The following SYT9 variants were observed in gnomAD, a reference collection of about 807,000 sequenced individuals.
SYT9 encodes the protein synaptotagmin 9, also known as synaptotagmin-9.
Under a neutral mutation model 48.4 loss-of-function variants are expected in SYT9, and 22 were observed. The ratio of observed to expected loss-of-function variants is 0.45; its 90% CI spans 0.32 to 0.65. SYT9 has a LOEUF of 0.65. SYT9 is among the 30% of genes least tolerant of loss of function. SYT9 has a pLI of 0.03. For synonymous variants in SYT9, 265 were observed against 245.0 expected (o/e 1.08, Z -0.76); for missense variants, 577 against 622.0 (o/e 0.93, Z 0.77).
intron 3 of SYT9, among the ~76,000 whole-genome samples, chr11:7,363,790 G>A (rs1482477935): frequency 6.6e-6 from 1 of 152,180 alleles, no homozygotes; most frequent in Non-Finnish European, 1.5e-5. Context: ...ATACCACTGA[G>A]AAGATGAGAA....
chr11:7,251,382 C>G (rs1847865575), upstream of SYT9, among the ~76,000 whole-genome samples: 1 of 152,120 alleles, frequency 6.6e-6, no homozygotes, highest in Non-Finnish European at 1.5e-5. Context: ...TAGTTCTGAC[C>G]TAGAGCCTCC....
chr11:7,398,611 C>CTACTAA (rs1846808695), intron 3 of SYT9, among the ~76,000 whole-genome samples: 1 of 152,034 alleles, frequency 6.6e-6, no homozygotes, highest in Non-Finnish European at 1.5e-5. Context: ...GGGGTTTCAC[C>CTACTAA]ATGTTAGCCA....
intron 1 of SYT9, among the ~76,000 whole-genome samples, chr11:7,257,383 A>G (rs4146865): frequency 0.049 from 7,412 of 152,244 alleles, 249 homozygotes; most frequent in East Asian, 0.2. Context: ...TGAGAGGGGA[A>G]AAAACAAACA....
At chr11:7,263,947 T>C (rs1374239433) in intron 1 of SYT9, among the ~76,000 whole-genome samples, 1 of 152,080 alleles carries the variant, frequency 6.6e-6, no homozygotes, top group African/African-American at 2.4e-5. Flanking sequence ...AACTGTATGT[T>C]TGTATGCTGG....
intron 6 of SYT9, among the ~76,000 whole-genome samples, chr11:7,432,568 AAAAAAAAAAAAAAAATATATATAC>A (rs1564901921): frequency 1.3e-3 from 19 of 14,214 alleles, no homozygotes; most frequent in South Asian, 3.3e-3. Flanking sequence ...AAAAAAAAAA[AAAAAAAAAAAAAAAATATATATAC>A]ATATATATAT....
chr11:7,313,995 A>T, intron 3 of SYT9, 54 bp downstream of exon 3: 3 of 1,556,822 alleles, frequency 1.9e-6, no homozygotes, highest in South Asian at 2.4e-5. Context: ...GTTAGCAAGG[A>T]AACAGATTAC....
chr11:7,415,891 C>A, intron 3 of SYT9, 151 bp from the exon 4 acceptor site: 1 of 972,736 alleles, frequency 1.0e-6, no homozygotes, highest in Non-Finnish European at 1.5e-6. Flanking sequence ...ATTATTCTCC[C>A]TGTGACTGAC....
At chr11:7,458,258 A>G (rs10160345) in intron 6 of SYT9, among the ~76,000 whole-genome samples, 21,009 of 152,120 alleles carry the variant, frequency 0.14, 1,798 homozygotes, top group African/African-American at 0.24. Context: ...TGATGGGCGG[A>G]TCACCTGAGG....
intron 6 of SYT9, among the ~76,000 whole-genome samples, chr11:7,465,376 G>T (rs1848312835): frequency 6.6e-6 from 1 of 152,204 alleles, no homozygotes; most frequent in Admixed American, 6.5e-5. Flanking sequence ...TCTCTGAAAT[G>T]AAGTCCATAA....
chr11:7,283,035 C>A (rs1200326535), intron 1 of SYT9, among the ~76,000 whole-genome samples: 1 of 150,708 alleles, frequency 6.6e-6, no homozygotes, highest in East Asian at 2.0e-4. Context: ...CCAGAGGCAA[C>A]CATTTTTATT....
intron 3 of SYT9, among the ~76,000 whole-genome samples, chr11:7,350,216 T>A (rs1207204721): frequency 1.3e-5 from 2 of 152,178 alleles, no homozygotes; most frequent in African/African-American, 4.8e-5. Flanking sequence ...GAACATTACA[T>A]ATGGTTGGAA....
At chr11:7,466,720 CA>C (rs369543339) in intron 6 of SYT9, 71 bp from the exon 7 acceptor site, 139,922 of 1,226,220 alleles carry the variant, frequency 0.11, 224 homozygotes, top group East Asian at 0.25. Context: ...GACTCTGTCT[CA>C]AAAAAAAAAA....
At chr11:7,309,479 C>G (rs1335624745) in intron 2 of SYT9, among the ~76,000 whole-genome samples, 3 of 152,150 alleles carry the variant, frequency 2.0e-5, no homozygotes, top group Non-Finnish European at 1.5e-5. Flanking sequence ...TGTCATTGTC[C>G]TTGTCAGTCA....
intron 3 of SYT9, among the ~76,000 whole-genome samples, chr11:7,375,593 G>GA (rs201894289): frequency 0.038 from 5,759 of 152,050 alleles, 381 homozygotes; most frequent in African/African-American, 0.13. Flanking sequence ...TTATTTCCTT[G>GA]AGCAGTGGTT....
chr11:7,316,023 A>G (rs1849236964), intron 3 of SYT9, among the ~76,000 whole-genome samples: 2 of 150,844 alleles, frequency 1.3e-5, no homozygotes, highest in East Asian at 2.0e-4. Context: ...ATAGTCTGCC[A>G]TATTATTACA....
chr11:7,339,136 T>G (rs1008508016), intron 3 of SYT9, among the ~76,000 whole-genome samples: 7 of 152,156 alleles, frequency 4.6e-5, no homozygotes, highest in Admixed American at 6.5e-5. Context: ...TCTTTGTTGT[T>G]TTAAAGTCTG....
At chr11:7,377,284 A>T (rs1052063207) in intron 3 of SYT9, among the ~76,000 whole-genome samples, 1 of 152,008 alleles carries the variant, frequency 6.6e-6, no homozygotes, top group African/African-American at 2.4e-5. Context: ...CACTTTACAT[A>T]TATCAGTTTA....
chr11:7,288,302 A>G (rs1848634795), intron 1 of SYT9, among the ~76,000 whole-genome samples: 2 of 148,484 alleles, frequency 1.3e-5, no homozygotes, highest in Admixed American at 6.7e-5. Context: ...AAAAAAAAAA[A>G]CTCTTCATCT....
chr11:7,277,948 A>G (rs949874657), intron 1 of SYT9, among the ~76,000 whole-genome samples: 4 of 152,236 alleles, frequency 2.6e-5, no homozygotes, highest in African/African-American at 9.6e-5. Flanking sequence ...TCTGTTGCTT[A>G]TAACAAAATA....
Sources: allele counts gnomAD v4.1 joint callset (sites outside exome capture counted in the v4.1 genomes callset), GRCh38; gene constraint gnomAD v4.1.1; transcripts MANE v1.5; gene names NCBI Gene and HGNC (gene_info 2026-07-23, HGNC 2026-07-21).